The following NSUN6 variants were observed in gnomAD, a reference collection of about 807,000 sequenced individuals.
NSUN6 encodes NOP2/Sun RNA methyltransferase 6.
A neutral mutation model predicts 58.0 loss-of-function variants in NSUN6; 64 were observed. That is an observed-to-expected ratio of 1.10 (90% CI 0.90 to 1.36). NSUN6 has a LOEUF of 1.36. Ranked by LOEUF, NSUN6 falls within the 40% of genes most tolerant of loss-of-function variation. The pLI is 0.00. For synonymous variants in NSUN6, 231 were observed against 193.9 expected (o/e 1.19, Z -1.59); for missense variants, 701 against 550.1 (o/e 1.27, Z -2.74).
At chr10:18,653,329 A>C (rs1221917721), upstream of NSUN6, 1 of 983,026 alleles carries the variant, frequency 1.0e-6, no homozygotes, top group Non-Finnish European at 1.2e-6. Flanking sequence ...TTTGCCAGAA[A>C]TTACTTCACT....
chr10:18,626,969 A>T (rs1427821228), intron 3 of NSUN6, among the ~76,000 whole-genome samples: 2 of 152,182 alleles, frequency 1.3e-5, no homozygotes, highest in African/African-American at 4.8e-5. Flanking sequence ...GAATACAGAA[A>T]TTCCTTAAAA....
At chr10:18,623,124 G>A (rs1192467904) in intron 3 of NSUN6, among the ~76,000 whole-genome samples, 3 of 152,130 alleles carry the variant, frequency 2.0e-5, no homozygotes, top group Admixed American at 2.0e-4. Context: ...GTAAACTGAA[G>A]AAAGCAAAAT....
Position 18,596,261 on chromosome 10 carries a change from A to G in NSUN6, c.724T>C (p.Cys242Arg). 2 of 1,608,744 alleles carry G rather than the reference A, an allele frequency of 1.2e-6. No homozygotes were observed. The highest frequency in any genetic ancestry group is 2.2e-5 in the East Asian group (1 of 44,840). ...GTTGTTTTCCCTCCAGGTGCTGCAC[A>G]CAAGTCTAGAATCTTCTCTCCAGGT... ...PQPGEKILDL[C>R]AAPGGKTTHI... is the part of the protein sequence containing the mutation. Residue 242 changes from cysteine to arginine, a missense_variant, in exon 7 of 11, where the codon TGT becomes CGT. Physicochemically the swap from Cys to Arg is radical, Grantham distance 180. Transcript: ENST00000377304.
At chr10:18,619,775 C>G (rs2058535645) in intron 3 of NSUN6, among the ~76,000 whole-genome samples, 1 of 152,080 alleles carries the variant, frequency 6.6e-6, no homozygotes, top group South Asian at 2.1e-4. Flanking sequence ...ATTTCTGAAA[C>G]TTTTGACTGT....
chr10:18,552,058 T>C, intron 8 of NSUN6, 87 bp from the exon 9 acceptor site: 1 of 756,220 alleles, frequency 1.3e-6, no homozygotes, highest in Non-Finnish European at 2.1e-6. Flanking sequence ...TTTAAAATCA[T>C]AATCTAGAAT....
chr10:18,599,580 G>C (rs1480668952), intron 6 of NSUN6, among the ~76,000 whole-genome samples: 2 of 152,096 alleles, frequency 1.3e-5, no homozygotes, highest in African/African-American at 4.8e-5. Context: ...TGGGCATGGA[G>C]CCATGCGCCA....
chr10:18,625,656 T>C (rs2058767105), intron 3 of NSUN6, among the ~76,000 whole-genome samples: 1 of 131,194 alleles, frequency 7.6e-6, no homozygotes, highest in African/African-American at 2.9e-5. Flanking sequence ...AAAGCTGCAG[T>C]GAGCCGAGAT....
chr10:18,646,136 A>C (rs2059539874), intron 2 of NSUN6, among the ~76,000 whole-genome samples: 1 of 152,192 alleles, frequency 6.6e-6, no homozygotes. Flanking sequence ...CAGAGGTTGC[A>C]GTGAGCCAAG....
intron 7 of NSUN6, among the ~76,000 whole-genome samples, chr10:18,591,261 A>T (rs2057367530): frequency 6.6e-6 from 1 of 152,204 alleles, no homozygotes. Context: ...AACTAAAAAA[A>T]GCCCAGGACC....
rs2130987826 is a variant in NSUN6, at chr10:18,572,229, C to T, written c.922+13720G>A. Reference sequence around the variant, plus strand: ...ATTTCAATTCATTGTTCACTCCATTCCCTTCCCCATTGCATTGTCCATTCC... The same window carrying T: ...ATTTCAATTCATTGTTCACTCCATTTCCTTCCCCATTGCATTGTCCATTCC... On this transcript the variant is annotated intron_variant, in intron 8 of 10. Transcript: ENST00000377304. 1.4e-5 allele frequency among the ~76,000 whole-genome samples: 2 copies of T among 145,750 alleles called. 1 individual carries two copies. Among genetic ancestry groups the T allele is most frequent in the East Asian group, 3.9e-4 (2 of 5,090 alleles).
intron 8 of NSUN6, among the ~76,000 whole-genome samples, chr10:18,566,714 A>G (rs1223699511): frequency 1.3e-5 from 2 of 148,556 alleles, no homozygotes; most frequent in Non-Finnish European, 3.0e-5. Context: ...TCTCCACTCC[A>G]TTCTCCATTT....
At chr10:18,598,227 C>T (rs2057671373) in intron 6 of NSUN6, among the ~76,000 whole-genome samples, 1 of 152,136 alleles carries the variant, frequency 6.6e-6, no homozygotes, top group Admixed American at 6.5e-5. Context: ...AAACATTGCT[C>T]CTAACTCCAC....
intron 3 of NSUN6, among the ~76,000 whole-genome samples, chr10:18,626,653 A>T (rs546236792): frequency 5.3e-5 from 8 of 152,186 alleles, no homozygotes; most frequent in Admixed American, 5.2e-4. Context: ...CTGTAATTCC[A>T]TATACTCAGG....
chr10:18,559,378 G>A (rs913146454), intron 8 of NSUN6, among the ~76,000 whole-genome samples: 7 of 150,610 alleles, frequency 4.6e-5, no homozygotes, highest in African/African-American at 1.5e-4. Flanking sequence ...GGAATGGAAG[G>A]GAGAATATAA....
At chr10:18,617,737 A>G (rs920973513) in intron 3 of NSUN6, among the ~76,000 whole-genome samples, 1 of 152,090 alleles carries the variant, frequency 6.6e-6, no homozygotes, top group Non-Finnish European at 1.5e-5. Context: ...ATGTGCTGGC[A>G]ACTTAATCCC....
chr10:18,630,845 T>C (rs557108874), intron 3 of NSUN6, among the ~76,000 whole-genome samples: 2 of 152,186 alleles, frequency 1.3e-5, no homozygotes, highest in African/African-American at 4.8e-5. Context: ...CTGGTACCAT[T>C]CCTTCTGAAA....
intron 8 of NSUN6, among the ~76,000 whole-genome samples, chr10:18,563,573 C>T (rs1207986815): frequency 4.0e-5 from 6 of 150,126 alleles, no homozygotes; most frequent in Non-Finnish European, 9.0e-5. Flanking sequence ...AATATTCTCC[C>T]TTCCCTTCCA....
rs2054395116 is a variant in NSUN6 at position 18,548,147 on chromosome 10, G to A, written c.1162C>T (p.Leu388=). The change falls in exon 10 of 11, where the codon CTG becomes TTG. Residue 388 remains leucine (L), a synonymous_variant. Transcript: ENST00000377304. ...AGCTGAAGGCAAGGAAATTTTGTCA[G>A]GGCCCAGGCAACCTGTTCTTCATTT... ...AENEEQVAWA[L]TKFPCLQLQP... 1 of 1,613,708 alleles carries A rather than the reference G, an allele frequency of 6.2e-7. No individual in the cohort carries two copies. Among genetic ancestry groups the A allele is most frequent in the Non-Finnish European group, 8.5e-7 (1 of 1,179,894 alleles).
chr10:18,648,721 C>T, intron 1 of NSUN6, 76 bp from the exon 2 acceptor site: 1 of 776,978 alleles, frequency 1.3e-6, no homozygotes. Context: ...TTAATTCCAT[C>T]TAATGAAACA....
Sources: allele counts gnomAD v4.1 joint callset (sites outside exome capture counted in the v4.1 genomes callset), GRCh38; gene constraint gnomAD v4.1.1; transcripts MANE v1.5; gene names NCBI Gene and HGNC (gene_info 2026-07-23, HGNC 2026-07-21).